DOCK2: variants seen among roughly 807,000 people sequenced by gnomAD.
DOCK2 encodes the protein dedicator of cytokinesis protein 2.
DOCK2 carries 87 observed loss-of-function variants against 248.9 expected under a neutral mutation model. The observed-to-expected ratio is 0.35, with a 90% CI of 0.29 to 0.42. DOCK2 has a LOEUF of 0.42. DOCK2 is among the 10% of genes least tolerant of loss of function. DOCK2 has a pLI of 1.00. For missense variants in DOCK2, 1,747 were observed against 2,300.2 expected, an observed-to-expected ratio of 0.76 and a Z score of 4.92; for synonymous variants, 805 against 821.6, an observed-to-expected ratio of 0.98 and a Z score of 0.35.
At chr5:169,698,186 C>T (rs1469340130) in intron 10 of DOCK2, among the ~76,000 whole-genome samples, 188 bp from the exon 11 acceptor site, 1 of 152,166 alleles carries the variant, frequency 6.6e-6, no homozygotes, top group Non-Finnish European at 1.5e-5. Flanking sequence ...AGGTATTTGC[C>T]CTGGTGCTGC....
At chr5:169,824,162 G>A (rs1408163564) in intron 26 of DOCK2, among the ~76,000 whole-genome samples, 1 of 152,082 alleles carries the variant, frequency 6.6e-6, no homozygotes, top group Non-Finnish European at 1.5e-5. Flanking sequence ...CTCATGGGTA[G>A]GAAGAATCAA....
intron 26 of DOCK2, among the ~76,000 whole-genome samples, chr5:169,805,861 C>T (rs1026249370): frequency 3.9e-5 from 6 of 152,156 alleles, no homozygotes; most frequent in African/African-American, 7.2e-5. Context: ...CACTCTTTAC[C>T]GCCTCTGAGT....
intron 9 of DOCK2, 97 bp from the exon 10 acceptor site, chr5:169,695,706 A>G (rs989534402): frequency 1.3e-6 from 2 of 1,548,714 alleles, no homozygotes; most frequent in African/African-American, 2.8e-5. Flanking sequence ...CAAGTATTAT[A>G]TACATCCCTC....
intron 30 of DOCK2, among the ~76,000 whole-genome samples, chr5:170,001,605 A>G (rs1754834649): frequency 6.6e-6 from 1 of 152,116 alleles, no homozygotes; most frequent in Non-Finnish European, 1.5e-5. Context: ...TACAAATCTC[A>G]TATTTTTTTT....
chr5:170,016,686 A>C (rs13436847), intron 32 of DOCK2, among the ~76,000 whole-genome samples: 3,616 of 152,324 alleles, frequency 0.024, 134 homozygotes, highest in African/African-American at 0.081. Flanking sequence ...TATCATGCCC[A>C]ATGCCCTCCA....
chr5:169,715,201 G>A (rs1024762349), intron 19 of DOCK2, among the ~76,000 whole-genome samples: 3 of 152,164 alleles, frequency 2.0e-5, no homozygotes, highest in Non-Finnish European at 4.4e-5. Flanking sequence ...CGTCTGAAGT[G>A]CAAATCTAAT....
At chr5:169,822,770 G>C (rs1390748377) in intron 26 of DOCK2, among the ~76,000 whole-genome samples, 1 of 152,164 alleles carries the variant, frequency 6.6e-6, no homozygotes, top group Non-Finnish European at 1.5e-5. Flanking sequence ...ACTAAGATCA[G>C]AGCAGAACTG....
chr5:169,785,518 A>G (rs1396929095), intron 25 of DOCK2, among the ~76,000 whole-genome samples: 1 of 152,222 alleles, frequency 6.6e-6, no homozygotes, highest in Non-Finnish European at 1.5e-5. Context: ...AACTCTCCAC[A>G]TATTTCTTTC....
chr5:169,642,310 C>G (rs1419691710), intron 1 of DOCK2, among the ~76,000 whole-genome samples: 1 of 152,188 alleles, frequency 6.6e-6, no homozygotes, highest in East Asian at 1.9e-4. Flanking sequence ...TAGAATTAGG[C>G]CAATATGGCC....
intron 22 of DOCK2, among the ~76,000 whole-genome samples, chr5:169,732,311 T>C (rs1343266956): frequency 1.3e-5 from 2 of 152,148 alleles, no homozygotes; most frequent in African/African-American, 4.8e-5. Context: ...CCTCATACCG[T>C]TATTTTCTCT....
chr5:169,811,609 C>T (rs907855144), intron 26 of DOCK2, among the ~76,000 whole-genome samples: 14 of 152,176 alleles, frequency 9.2e-5, no homozygotes, highest in Non-Finnish European at 1.6e-4. Context: ...CCTCCTGAGG[C>T]CAATGGCACA....
chr5:169,654,606 TG>T, intron 2 of DOCK2, 120 bp downstream of exon 2: 1 of 922,270 alleles, frequency 1.1e-6, no homozygotes, highest in Non-Finnish European at 1.6e-6. Context: ...AAAAACGTTT[TG>T]GTAACGCTAG....
intron 25 of DOCK2, among the ~76,000 whole-genome samples, chr5:169,784,392 T>A (rs954577088): frequency 1.3e-5 from 2 of 152,170 alleles, no homozygotes; most frequent in Non-Finnish European, 2.9e-5. Flanking sequence ...AAAGTGTGGT[T>A]CTGAGGGGAC....
intron 32 of DOCK2, among the ~76,000 whole-genome samples, chr5:170,018,058 C>G (rs995522436): frequency 2.6e-5 from 4 of 152,142 alleles, no homozygotes; most frequent in African/African-American, 9.7e-5. Context: ...CAGACATGGT[C>G]TCTAGTGGGG....
chr5:169,670,632 G>T (rs1758999464), intron 4 of DOCK2, 35 bp downstream of exon 4: 2 of 1,611,950 alleles, frequency 1.2e-6, no homozygotes, highest in Non-Finnish European at 1.7e-6. Context: ...TGAGCCTCCA[G>T]TGGCTCATGG....
At chr5:170,009,979 A>G (rs1331365488) in intron 32 of DOCK2, among the ~76,000 whole-genome samples, 1 of 152,216 alleles carries the variant, frequency 6.6e-6, no homozygotes, top group Non-Finnish European at 1.5e-5. Context: ...TCTGACATTT[A>G]CAGGCTGTGA....
chr5:169,796,352 C>T (rs2113095086), intron 25 of DOCK2, among the ~76,000 whole-genome samples: 1 of 152,328 alleles, frequency 6.6e-6, no homozygotes, highest in East Asian at 1.9e-4. Flanking sequence ...TTGGGTTCTC[C>T]TTCTCTCAAC....
chr5:170,042,401 G>A (rs1756551004), intron 38 of DOCK2, among the ~76,000 whole-genome samples: 3 of 152,156 alleles, frequency 2.0e-5, no homozygotes, highest in Non-Finnish European at 4.4e-5. Flanking sequence ...ATAGCAGATA[G>A]GATGATCATA....
At position 169,647,888 on chromosome 5, in the gene DOCK2, A is replaced by T. The variant is rs115060467; in HGVS notation, c.44-6515A>T. Among the ~76,000 whole-genome samples the T allele has an allele frequency of 9.5e-3, 1,440 of 152,144 alleles. 23 individuals carry two copies. Among genetic ancestry groups the T allele is most frequent in the African/African-American group, 0.033 (1,358 of 41,484 alleles). On this transcript the variant is annotated intron_variant, in intron 1 of 51. Transcript: ENST00000520908. ...CTTGTGTGTTTATTTTGTCTCTTCG[A>T]CTAGATTTCACAGAAGCTCAGGAGA... is the stretch of plus-strand genomic sequence containing the variant.
Sources: gnomAD v4.1 joint callset for allele counts (sites outside exome capture counted in the v4.1 genomes callset) on GRCh38, gnomAD v4.1.1 for gene constraint, MANE v1.5 for transcripts, NCBI Gene and HGNC (gene_info 2026-07-23, HGNC 2026-07-21) for gene names.